The following RTN4RL1 variants were observed in gnomAD, a reference collection of about 807,000 sequenced individuals.
RTN4RL1 encodes reticulon 4 receptor like 1, also known as reticulon-4 receptor-like 1.
RTN4RL1 carries 7 observed loss-of-function variants against 25.6 expected under a neutral mutation model. The observed-to-expected ratio is 0.27, with a 90% CI of 0.16 to 0.51. The LOEUF is 0.51. RTN4RL1 is among the 20% of genes least tolerant of loss of function. The pLI is 0.97. For missense variants in RTN4RL1, 500 were observed against 615.6 expected, an observed-to-expected ratio of 0.81 and a Z score of 1.99; for synonymous variants, 297 against 288.2, an observed-to-expected ratio of 1.03 and a Z score of -0.31.
Position 1,974,017 on chromosome 17 carries a change from C to T in RTN4RL1, c.14-36209G>A, listed in dbSNP as rs374176058. ...TTGCGCCACTGCACTCCAGTCTGGG[C>T]GACAGAGCGAGACTCCGTCTCAGAA... On this transcript the variant is annotated intron_variant, in intron 1 of 1. Coordinates refer to ENST00000331238, the MANE Select transcript of RTN4RL1 (RefSeq NM_178568.4). 1.1e-3 allele frequency among the ~76,000 whole-genome samples: 132 copies of T among 125,542 alleles called. 4 individuals carry two copies. In the South Asian group the frequency reaches 0.025, roughly 24 times the overall value. 82.4% of individuals were successfully genotyped at this position (125,542 alleles called of 152,430 possible).
Position 1,936,739 on chromosome 17 carries a change from G to T in RTN4RL1, c.1083C>A (p.Asn361Lys). Residue 361 changes from asparagine to lysine, a missense_variant, in exon 2 of 2, where the codon AAC becomes AAA. Physicochemically the swap from Asn to Lys is moderately conservative, Grantham distance 94 (BLOSUM62 0). Around this residue, in one of 2 missense-constraint regions of RTN4RL1, gnomAD observed 268 missense variants for 274.5 expected, o/e 0.98. Transcript: ENST00000331238. ...CGCCCGCCTTAGAGATCTGATTGCG[G>T]TTCCTGGGGTTGGTGCAGTTCTTCC... ...KPGKNCTNPR[N>K]RNQISKAGAG... 1 of 1,595,960 alleles carries T rather than the reference G, an allele frequency of 6.3e-7. No homozygotes were observed. Among genetic ancestry groups the T allele is most frequent in the Non-Finnish European group, 8.5e-7 (1 of 1,172,800 alleles).
chr17:1,955,206 A>G (rs1157730477), intron 1 of RTN4RL1, among the ~76,000 whole-genome samples: 1 of 151,942 alleles, frequency 6.6e-6, no homozygotes. Flanking sequence ...CCCCAACCCT[A>G]TTTCTCCCTG....
intron 1 of RTN4RL1, among the ~76,000 whole-genome samples, chr17:1,988,897 G>A: frequency 6.6e-6 from 1 of 152,188 alleles, no homozygotes. Flanking sequence ...GGACACTGGT[G>A]TGAGATGAGG....
At chr17:2,009,508 C>T (rs1310737180) in intron 1 of RTN4RL1, among the ~76,000 whole-genome samples, 1 of 121,002 alleles carries the variant, frequency 8.3e-6, no homozygotes, top group Non-Finnish European at 1.7e-5. Context: ...AGGAGAATTG[C>T]TTGAAGCCAG....
chr17:1,992,144 G>C (rs1038912121), intron 1 of RTN4RL1, among the ~76,000 whole-genome samples: 13 of 151,944 alleles, frequency 8.6e-5, no homozygotes, highest in African/African-American at 1.2e-4. Flanking sequence ...GCGGGTGGAT[G>C]ACGAGGTCAG....
intron 1 of RTN4RL1, among the ~76,000 whole-genome samples, chr17:2,000,387 G>A (rs969697800): frequency 2.0e-5 from 3 of 151,954 alleles, no homozygotes; most frequent in Non-Finnish European, 4.4e-5. Flanking sequence ...TCTCTCTGCC[G>A]CCCAGGCTGG....
chr17:2,022,710 G>A (rs571797541), intron 1 of RTN4RL1, among the ~76,000 whole-genome samples: 6 of 152,378 alleles, frequency 3.9e-5, no homozygotes, highest in South Asian at 2.1e-4. Context: ...CCCTAGGGGC[G>A]GTCTCCAGGT....
intron 1 of RTN4RL1, among the ~76,000 whole-genome samples, chr17:1,952,332 G>GT (rs56878786): frequency 0.052 from 6,949 of 134,086 alleles, 346 homozygotes; most frequent in African/African-American, 0.085. Flanking sequence ...AGGGAGGTTG[G>GT]TTTTTTTTTT....
At chr17:1,987,016 C>T (rs1482660247) in intron 1 of RTN4RL1, among the ~76,000 whole-genome samples, 3 of 152,118 alleles carry the variant, frequency 2.0e-5, no homozygotes, top group African/African-American at 4.8e-5. Context: ...GCTGCCGCTG[C>T]GACAAGGGGA....
chr17:1,958,547 ACTTGT>A (rs1462952005), intron 1 of RTN4RL1, among the ~76,000 whole-genome samples: 2 of 152,358 alleles, frequency 1.3e-5, no homozygotes, highest in African/African-American at 2.4e-5. Flanking sequence ...GTATCACAAA[ACTTGT>A]CTTAAGTGCC....
chr17:2,023,856 C>T (rs1330174093), intron 1 of RTN4RL1, among the ~76,000 whole-genome samples: 1 of 152,236 alleles, frequency 6.6e-6, no homozygotes, highest in East Asian at 1.9e-4. Context: ...CCCGCCTCAG[C>T]CGCTCCCGCA....
At chr17:1,988,161 G>A (rs973935888) in intron 1 of RTN4RL1, among the ~76,000 whole-genome samples, 2 of 152,084 alleles carry the variant, frequency 1.3e-5, no homozygotes, top group Admixed American at 6.6e-5. Flanking sequence ...GCTCACGCCT[G>A]TAATCCCAGC....
chr17:2,012,759 T>A (rs995125844), intron 1 of RTN4RL1, among the ~76,000 whole-genome samples: 19 of 152,136 alleles, frequency 1.2e-4, no homozygotes, highest in Admixed American at 3.3e-4. Context: ...CAGCACTTTT[T>A]ACCTAATGTC....
chr17:1,968,496 T>C (rs989261767), intron 1 of RTN4RL1, among the ~76,000 whole-genome samples: 1 of 152,192 alleles, frequency 6.6e-6, no homozygotes, highest in African/African-American at 2.4e-5. Context: ...GCTCCGATGG[T>C]GTCACTCCCA....
In RTN4RL1 at chr17:1,994,176, G is replaced by A. The variant is rs1328774681; in HGVS notation, c.13+30677C>T. 1.3e-5 allele frequency among the ~76,000 whole-genome samples: 2 copies of A among 152,130 alleles called. No individual in the cohort carries two copies. The highest frequency in any genetic ancestry group is 4.8e-5 in the African/African-American group (2 of 41,412). The stretch of plus-strand genomic sequence containing the variant: ...TCATTTTGCTGCCTCTGAGAAGAGT[G>A]TGCCCAGGTGGAATTCACAGGCGCT... On this transcript the variant is annotated intron_variant, in intron 1 of 1. Transcript: ENST00000331238. This position sits in a 1 kb window ranked among gnomAD's most constrained non-coding sequence, Gnocchi z 4.3.
chr17:1,997,075 A>C (rs1311739764), intron 1 of RTN4RL1, among the ~76,000 whole-genome samples: 1 of 152,130 alleles, frequency 6.6e-6, no homozygotes, highest in Non-Finnish European at 1.5e-5. Flanking sequence ...TCCACACTGC[A>C]GCCAGCAGAG....
intron 1 of RTN4RL1, among the ~76,000 whole-genome samples, chr17:2,017,248 G>C (rs1487195209): frequency 6.6e-6 from 1 of 152,212 alleles, no homozygotes; most frequent in African/African-American, 2.4e-5. Context: ...GCTGAAAGTT[G>C]GGAGCCCAGC....
intron 1 of RTN4RL1, among the ~76,000 whole-genome samples, chr17:1,980,554 G>A (rs1024739976): frequency 6.6e-6 from 1 of 151,922 alleles, no homozygotes; most frequent in African/African-American, 2.4e-5. Flanking sequence ...TCTTTATAGC[G>A]TTCTGTACTT....
At chr17:1,940,174 C>T (rs973224138) in intron 1 of RTN4RL1, among the ~76,000 whole-genome samples, 1 of 152,246 alleles carries the variant, frequency 6.6e-6, no homozygotes, top group Non-Finnish European at 1.5e-5. Flanking sequence ...GTGGCAGCTG[C>T]TTCCCGTCCC....
Sources: gnomAD v4.1 joint callset for allele counts (sites outside exome capture counted in the v4.1 genomes callset) on GRCh38, gnomAD v4.1.1 for gene constraint, gnomAD v4.1.1 regional missense constraint, Gnocchi (gnomAD v3.1) non-coding constraint, MANE v1.5 for transcripts, NCBI Gene and HGNC (gene_info 2026-07-23, HGNC 2026-07-21) for gene names.